The following THEMIS variants were observed in gnomAD, a reference collection of about 807,000 sequenced individuals.
THEMIS encodes the protein thymocyte selection associated, also known as protein THEMIS.
Under a neutral mutation model 52.6 loss-of-function variants are expected in THEMIS, and 37 were observed. The ratio of observed to expected loss-of-function variants is 0.70; its 90% CI spans 0.54 to 0.93. THEMIS has a LOEUF of 0.93. Among genes scored for constraint, THEMIS ranks in the 40% least tolerant of loss-of-function variants. The pLI is 0.00. For missense variants in THEMIS, 808 were observed against 763.1 expected, an observed-to-expected ratio of 1.06 and a Z score of -0.69; for synonymous variants, 292 against 272.7, an observed-to-expected ratio of 1.07 and a Z score of -0.70.
intron 4 of THEMIS, among the ~76,000 whole-genome samples, chr6:127,793,684 T>C (rs1777233730): frequency 1.3e-5 from 2 of 152,204 alleles, no homozygotes; most frequent in Non-Finnish European, 2.9e-5. Flanking sequence ...CCTGTAGATA[T>C]TTCAAGGAAC....
chr6:127,827,755 C>T (rs920932667), intron 3 of THEMIS, among the ~76,000 whole-genome samples: 3 of 152,160 alleles, frequency 2.0e-5, no homozygotes, highest in Admixed American at 1.3e-4. Flanking sequence ...CTGTCTTTCC[C>T]ATTGATGTCT....
chr6:127,697,020 C>T, the THEMIS span, among the ~76,000 whole-genome samples: 5 of 152,014 alleles, frequency 3.3e-5, 1 homozygote, highest in East Asian at 5.8e-4. Flanking sequence ...CACACATACA[C>T]GTACATGTAT....
chr6:127,832,157 A>C (rs992043370), intron 2 of THEMIS, among the ~76,000 whole-genome samples: 1 of 152,182 alleles, frequency 6.6e-6, no homozygotes, highest in Non-Finnish European at 1.5e-5. Context: ...TTCTTGGGGA[A>C]TAGAGCTCAC....
At chr6:127,704,316 G>C (rs76267499), downstream of THEMIS, among the ~76,000 whole-genome samples, 4,129 of 152,144 alleles carry the variant, frequency 0.027, 220 homozygotes, top group African/African-American at 0.096. Flanking sequence ...GGAGGAAGGC[G>C]GGCTGATATG....
At chr6:127,721,803 G>A (rs1250161548) in intron 4 of THEMIS, among the ~76,000 whole-genome samples, 1 of 151,928 alleles carries the variant, frequency 6.6e-6, no homozygotes, top group African/African-American at 2.4e-5. Context: ...TTCAAGTTAT[G>A]ACATGAGTAT....
At chr6:127,847,261 A>C (rs946263947) in intron 2 of THEMIS, among the ~76,000 whole-genome samples, 3 of 152,024 alleles carry the variant, frequency 2.0e-5, no homozygotes, top group African/African-American at 7.2e-5. Flanking sequence ...TCTCTTTAAC[A>C]TAGTACTGGA....
intron 4 of THEMIS, among the ~76,000 whole-genome samples, chr6:127,796,120 GA>G (rs1465480056): frequency 1.3e-5 from 2 of 152,176 alleles, no homozygotes; most frequent in African/African-American, 2.4e-5. Context: ...ACCTTTCTAA[GA>G]TTAAAAGTAT....
At chr6:127,855,346 C>T (rs1023056186) in intron 1 of THEMIS, among the ~76,000 whole-genome samples, 158 bp from the exon 2 acceptor site, 8 of 151,850 alleles carry the variant, frequency 5.3e-5, no homozygotes, top group African/African-American at 1.9e-4. Flanking sequence ...ACAGCATAGA[C>T]CAGAAAAATA....
At chr6:127,788,151 G>A (rs1777039330) in intron 4 of THEMIS, among the ~76,000 whole-genome samples, 1 of 152,132 alleles carries the variant, frequency 6.6e-6, no homozygotes, top group African/African-American at 2.4e-5. Context: ...TGCGATGTTA[G>A]CAAATGTTTA....
At chr6:127,844,451 T>C (rs1779149039) in intron 2 of THEMIS, among the ~76,000 whole-genome samples, 1 of 151,906 alleles carries the variant, frequency 6.6e-6, no homozygotes, top group African/African-American at 2.4e-5. Flanking sequence ...AGCAACAAAA[T>C]TCATAGAGTA....
chr6:127,750,622 A>G (rs1775607964), intron 4 of THEMIS, among the ~76,000 whole-genome samples: 1 of 151,898 alleles, frequency 6.6e-6, no homozygotes, highest in Non-Finnish European at 1.5e-5. Context: ...CTGATTTAAG[A>G]CAGCAAAAAT....
At chr6:127,734,872 A>G (rs1324439703) in intron 4 of THEMIS, among the ~76,000 whole-genome samples, 2 of 100,140 alleles carry the variant, frequency 2.0e-5, no homozygotes, top group South Asian at 3.3e-4. Context: ...CTGTCTCAAA[A>G]AAAAAAAAAA....
intron 4 of THEMIS, among the ~76,000 whole-genome samples, chr6:127,769,667 A>G (rs763374783): frequency 6.6e-6 from 1 of 152,170 alleles, no homozygotes; most frequent in Non-Finnish European, 1.5e-5. Flanking sequence ...TCTAGGGTAC[A>G]TGTGCACAAC....
intron 1 of THEMIS, among the ~76,000 whole-genome samples, chr6:127,914,530 A>G (rs987452703): frequency 7.2e-5 from 11 of 152,142 alleles, no homozygotes; most frequent in African/African-American, 2.2e-4. Context: ...GGTATAGCCT[A>G]TTGCTCCTAG....
chr6:127,861,136 T>A (rs982317705), intron 1 of THEMIS, among the ~76,000 whole-genome samples: 1 of 152,198 alleles, frequency 6.6e-6, no homozygotes, highest in African/African-American at 2.4e-5. Context: ...AATAATATCA[T>A]AATTTCATGT....
chr6:127,854,463 TACTATGGGA>T (rs931020909), intron 2 of THEMIS, among the ~76,000 whole-genome samples: 1 of 151,684 alleles, frequency 6.6e-6, no homozygotes, highest in Non-Finnish European at 1.5e-5. Flanking sequence ...AGGCCCAACA[TACTATGGGA>T]ACATAAAAGA....
In THEMIS at chr6:127,813,039, C is replaced by T. The variant is rs199999783; in HGVS notation, c.1602G>A (p.Glu534=). ...TCATGTAATATTGCTCTTCAGTGATCTCTTCTACCAGAGTCCTGACTAGAA... is the reference window on the plus strand; with the variant it reads ...TCATGTAATATTGCTCTTCAGTGATTTCTTCTACCAGAGTCCTGACTAGAA... The part of the protein sequence containing the change: ...EPFLVRTLVE[E]ITEEQYYMMR... The change falls in exon 4 of 6, where the codon GAG becomes GAA. Residue 534 remains glutamate, a synonymous_variant. Coordinates refer to ENST00000368248, the MANE Select transcript of THEMIS (RefSeq NM_001010923.3). The T allele has an allele frequency of 1.9e-4, 314 of 1,613,994 alleles. No individual in the cohort carries two copies. Among genetic ancestry groups the T allele is most frequent in the Non-Finnish European group, 2.6e-4 (306 of 1,180,020 alleles).
At chr6:127,843,528 A>G (rs1779119609) in intron 2 of THEMIS, among the ~76,000 whole-genome samples, 1 of 152,036 alleles carries the variant, frequency 6.6e-6, no homozygotes, top group Non-Finnish European at 1.5e-5. Context: ...TAAGTTGTTG[A>G]AAGTATAATA....
At chr6:127,806,855 C>G (rs900695830) in intron 4 of THEMIS, among the ~76,000 whole-genome samples, 3 of 152,164 alleles carry the variant, frequency 2.0e-5, no homozygotes, top group African/African-American at 7.2e-5. Flanking sequence ...TTTGTACCTT[C>G]GAGGTTTCAG....
Sources: allele counts gnomAD v4.1 joint callset (sites outside exome capture counted in the v4.1 genomes callset), GRCh38; gene constraint gnomAD v4.1.1; transcripts MANE v1.5; gene names NCBI Gene and HGNC (gene_info 2026-07-23, HGNC 2026-07-21).